The following NADSYN1 variants were observed in gnomAD, a reference collection of about 807,000 sequenced individuals.
The protein encoded by NADSYN1 is glutamine-dependent NAD(+) synthetase.
Under a neutral mutation model 99.3 loss-of-function variants are expected in NADSYN1, and 80 were observed. The ratio of observed to expected loss-of-function variants is 0.81; its 90% confidence interval spans 0.67 to 0.97. The LOEUF is 0.97. NADSYN1 is among the 50% of genes least tolerant of loss of function. NADSYN1 has a pLI of 0.00. For missense variants in NADSYN1, 859 were observed against 948.5 expected, an observed-to-expected ratio of 0.91 and a Z score of 1.24; for synonymous variants, 385 against 372.1, an observed-to-expected ratio of 1.03 and a Z score of -0.40.
At chr11:71,491,984 C>T (rs757589556) in intron 18 of NADSYN1, 81 bp downstream of exon 18, 62 of 1,351,238 alleles carry the variant, frequency 4.6e-5, no homozygotes, top group Non-Finnish European at 5.1e-5. Context: ...TCCTACCTCC[C>T]TCCTGACCCC....
chr11:71,458,996 C>T (rs1472267339), intron 3 of NADSYN1: 2 of 182,076 alleles, frequency 1.1e-5, no homozygotes, highest in South Asian at 2.0e-4. Flanking sequence ...ATCGCCGGTC[C>T]TTATGGAGGC....
chr11:71,464,984 C>T (rs776998432), intron 5 of NADSYN1, among the ~76,000 whole-genome samples: 1 of 151,730 alleles, frequency 6.6e-6, no homozygotes, highest in East Asian at 1.9e-4. Flanking sequence ...TCACAGATAT[C>T]GACTAGCTGG....
At chr11:71,456,423 G>A (rs775647957) in intron 2 of NADSYN1, among the ~76,000 whole-genome samples, 2 of 152,194 alleles carry the variant, frequency 1.3e-5, no homozygotes, top group Non-Finnish European at 2.9e-5. Flanking sequence ...TGGCCCCGTG[G>A]CCGGATCTTC....
At chr11:71,462,847 A>G (rs760092325) in intron 3 of NADSYN1, among the ~76,000 whole-genome samples, 13 of 152,070 alleles carry the variant, frequency 8.5e-5, no homozygotes, top group East Asian at 1.9e-4. Context: ...ATCTGGCCCA[A>G]ACCTCCTGTC....
intron 8 of NADSYN1, 45 bp downstream of exon 8, chr11:71,473,731 A>G: frequency 7.2e-7 from 1 of 1,379,928 alleles, no homozygotes; most frequent in Non-Finnish European, 1.0e-6. Flanking sequence ...CAGACACTGT[A>G]TCTCAAGAAC....
intron 3 of NADSYN1, among the ~76,000 whole-genome samples, chr11:71,462,190 C>T (rs1418598505): frequency 6.6e-6 from 1 of 152,174 alleles, no homozygotes; most frequent in East Asian, 1.9e-4. Flanking sequence ...CATTTACCCT[C>T]CTCCCTTTTG....
At chr11:71,459,253 G>A (rs1222924052) in intron 3 of NADSYN1, among the ~76,000 whole-genome samples, 2 of 142,872 alleles carry the variant, frequency 1.4e-5, no homozygotes, top group East Asian at 4.3e-4. Context: ...GCCTCTGCAT[G>A]AGCTGTGCTG....
At position 71,473,704 on chromosome 11, in the gene NADSYN1, G is replaced by A. The variant is rs1482506546; in HGVS notation, c.666+18G>A. ...CCAGCAAGGTAGGGGCTGGGCCAGG[G>A]AGCGTGCGCCACAGGGCAGACACTG... On this transcript the variant is annotated intron_variant, in intron 8 of 20. Coordinates refer to ENST00000319023, the MANE Select transcript of NADSYN1 (RefSeq NM_018161.5). 2 of 1,567,534 alleles carry A rather than the reference G, an allele frequency of 1.3e-6. No homozygotes were observed. The highest frequency in any genetic ancestry group is 1.3e-5 in the African/African-American group (1 of 74,080).
intron 10 of NADSYN1, 148 bp from the exon 11 acceptor site, chr11:71,480,607 C>T (rs1040179927): frequency 1.0e-5 from 12 of 1,196,482 alleles, no homozygotes; most frequent in East Asian, 4.8e-5. Flanking sequence ...CTTTGCTTCT[C>T]GCCATCCTCG....
chr11:71,462,061 A>C (rs532039783), intron 3 of NADSYN1, among the ~76,000 whole-genome samples: 2 of 152,216 alleles, frequency 1.3e-5, no homozygotes, highest in South Asian at 4.2e-4. Context: ...ATAAAATTCT[A>C]AGGCCCTCCC....
chr11:71,461,744 C>T (rs114210559), intron 3 of NADSYN1, among the ~76,000 whole-genome samples: 3,610 of 152,280 alleles, frequency 0.024, 123 homozygotes, highest in African/African-American at 0.082. Context: ...ACTATTAAAA[C>T]GACCAGATCT....
chr11:71,484,485 G>T (rs1230605111), intron 15 of NADSYN1, 38 bp downstream of exon 15: 1 of 1,592,902 alleles, frequency 6.3e-7, no homozygotes, highest in Non-Finnish European at 8.5e-7. Context: ...GGGGGTGGGG[G>T]TGCAGGGAGC....
At chr11:71,487,947 A>G (rs541278317) in intron 16 of NADSYN1, among the ~76,000 whole-genome samples, 1 of 151,832 alleles carries the variant, frequency 6.6e-6, no homozygotes, top group Non-Finnish European at 1.5e-5. Flanking sequence ...CACTCCCCTC[A>G]TGATGTAGTA....
chr11:71,453,760 G>A (rs1393197353), intron 1 of NADSYN1, among the ~76,000 whole-genome samples: 1 of 152,182 alleles, frequency 6.6e-6, no homozygotes, highest in Non-Finnish European at 1.5e-5. Flanking sequence ...GGTGTGCAGA[G>A]GCCAGAGATT....
intron 18 of NADSYN1, among the ~76,000 whole-genome samples, chr11:71,494,329 A>G (rs1463712175): frequency 6.6e-6 from 1 of 152,186 alleles, no homozygotes; most frequent in Non-Finnish European, 1.5e-5. Context: ...GGCCCAGAGT[A>G]TTCAGTACAG....
rs754254173 is a variant in NADSYN1 at position 71,463,502 on chromosome 11, C to A, written c.317+17C>A. On this transcript the variant is annotated intron_variant, in intron 4 of 20. Transcript: ENST00000319023. ...CCTCAACAGGTAGGCCCCCTGCCCCCACCCCGGGAGGGTGACTGGGGCCTC... is the reference window on the plus strand; with the variant it reads ...CCTCAACAGGTAGGCCCCCTGCCCCAACCCCGGGAGGGTGACTGGGGCCTC... 6.2e-6 allele frequency: 10 copies of A among 1,611,880 alleles called. No homozygotes were observed. Among genetic ancestry groups the A allele is most frequent in the South Asian group, 1.1e-5 (1 of 90,978 alleles).
At chr11:71,488,063 A>G (rs1949754964) in intron 16 of NADSYN1, among the ~76,000 whole-genome samples, 1 of 151,946 alleles carries the variant, frequency 6.6e-6, no homozygotes, top group Non-Finnish European at 1.5e-5. Context: ...AAGAATCTCA[A>G]ATGTGTAGTG....
rs528681665 is a variant in NADSYN1, at chr11:71,490,760, T to A, written c.1563-85T>A. ...GCCACACTTCTGGCTTCAGGGCCCC[T>A]GGAAGAAGCGACTCCCTGGCTGGCC... is the stretch of plus-strand genomic sequence containing the variant. On this transcript the variant is annotated intron_variant, in intron 16 of 20. Transcript: ENST00000319023. 8.4e-6 allele frequency: 13 copies of A among 1,554,292 alleles called. No homozygotes were observed. In the South Asian group the frequency reaches 1.4e-4, roughly 17 times the overall value.
rs1252211514 is a variant in NADSYN1 at position 71,491,742 on chromosome 11, C to T, written c.1695-92C>T. ...CGGTGAACGGAGTGGCCGGGACCAG[C>T]GTACTCGGGAAACTTAGTCTGGGGA... is the stretch of plus-strand genomic sequence containing the variant. On this transcript the variant is annotated intron_variant, in intron 17 of 20. Transcript: ENST00000319023. 1.3e-5 allele frequency: 15 copies of T among 1,184,590 alleles called. No homozygotes were observed. In the East Asian group the frequency reaches 1.7e-4, roughly 13 times the overall value. The allele number at this position is 1,184,590 out of a possible 1,614,324, so 73.4% of individuals were successfully genotyped here. A position where few individuals can be genotyped will look rare whatever the true frequency, so the allele number is the denominator to read the frequency against.
Sources: allele counts gnomAD v4.1 joint callset (sites outside exome capture counted in the v4.1 genomes callset), GRCh38; gene constraint gnomAD v4.1.1; transcripts MANE v1.5; gene names NCBI Gene and HGNC (gene_info 2026-07-23, HGNC 2026-07-21).